The following NFKBIB variants were observed in gnomAD, a reference collection of about 807,000 sequenced individuals.
NFKBIB encodes the protein NF-kappa-B inhibitor beta.
Under a neutral mutation model 32.1 loss-of-function variants are expected in NFKBIB, and 16 were observed. The ratio of observed to expected loss-of-function variants is 0.50; its 90% CI spans 0.34 to 0.76. The LOEUF (loss-of-function observed/expected upper bound fraction) is 0.76. NFKBIB is among the 30% of genes least tolerant of loss of function. NFKBIB has a pLI of 0.01. For missense variants in NFKBIB, 437 were observed against 514.9 expected, an observed-to-expected ratio of 0.85 and a Z score of 1.46; for synonymous variants, 222 against 219.5, an observed-to-expected ratio of 1.01 and a Z score of -0.10.
At chr19:38,903,133 G>A (rs531855649) in intron 1 of NFKBIB, among the ~76,000 whole-genome samples, 2 of 151,974 alleles carry the variant, frequency 1.3e-5, no homozygotes, top group Non-Finnish European at 2.9e-5. Flanking sequence ...GAAACCATAT[G>A]ACCTACAAAG....
chr19:38,905,633 A>G lies in NFKBIB; in HGVS notation c.619+98A>G. On this transcript the variant is annotated intron_variant, in intron 3 of 5. Transcript: ENST00000313582. The surrounding 1 kb of genome is among the most constrained non-coding windows in gnomAD (Gnocchi z 5.5). ...CTGATTTGAGACTGAGCTCCTTGGG[A>G]AATCATGCCTAGGCTTCAGGAGCCC... 2.1e-6 allele frequency: 2 copies of G among 970,792 alleles called. No individual in the cohort carries two copies. Among genetic ancestry groups the G allele is most frequent in the Non-Finnish European group, 3.1e-6 (2 of 654,812 alleles). 60.1% of individuals were successfully genotyped at this position (970,792 alleles called of 1,614,324 possible).
intron 1 of NFKBIB, among the ~76,000 whole-genome samples, chr19:38,903,353 A>G (rs895456651): frequency 2.0e-5 from 3 of 151,934 alleles, no homozygotes; most frequent in Non-Finnish European, 1.5e-5. Context: ...GCACGATCTC[A>G]GCTCACTGCA....
intron 3 of NFKBIB, among the ~76,000 whole-genome samples, chr19:38,906,466 G>GTTTT (rs59286558): frequency 4.0e-5 from 3 of 75,334 alleles, no homozygotes; most frequent in Non-Finnish European, 7.2e-5. Flanking sequence ...TTAATTTAAG[G>GTTTT]TTTTTTTTTT....
rs1367102007 is a variant in NFKBIB at position 38,900,132 on chromosome 19, C to T, written c.100C>T (p.Pro34Ser). 1 of 1,592,504 alleles carries T rather than the reference C, an allele frequency of 6.3e-7. No individual in the cohort carries two copies. Among genetic ancestry groups the T allele is most frequent in the African/African-American group, 1.3e-5 (1 of 74,306 alleles). The change falls in exon 1 of 6, where the codon CCT becomes TCT. Residue 34 changes from proline (P) to serine (S), a missense_variant. Transcript: ENST00000313582. ...TCCGGACGCAGCGGCCCCCGGAGGA[C>T]CTGGGTTGGGCGCGGAGTTGGGCCC... Reference protein sequence around the residue: ...LGPDAAAPGGPGLGAELGPGL... With the variant: ...LGPDAAAPGGSGLGAELGPGL...
intron 1 of NFKBIB, among the ~76,000 whole-genome samples, chr19:38,901,958 T>C (rs549152742): frequency 6.6e-6 from 1 of 152,268 alleles, no homozygotes; most frequent in South Asian, 2.1e-4. Flanking sequence ...TTATCCCATG[T>C]CTATTATATA....
chr19:38,908,757 C>T lies in NFKBIB; in HGVS notation c.996C>T (p.His332=), dbSNP rs1393960282. The T allele has an allele frequency of 9.3e-6, 15 of 1,613,720 alleles. No homozygotes were observed. The highest frequency in any genetic ancestry group is 1.7e-5 in the Admixed American group (1 of 59,930). The change falls in exon 6 of 6, where the codon CAC becomes CAT. Residue 332 remains histidine (H), a synonymous_variant. Transcript: ENST00000313582. ...ATGAATACGACGACATTGTGGTTCA[C>T]AGCAGCCGCAGCCAAACCCGGCTGC... ...EGDEYDDIVV[H]SSRSQTRLPP... is the part of the protein sequence containing the mutation.
intron 1 of NFKBIB, among the ~76,000 whole-genome samples, chr19:38,902,085 C>CTTTTCTTTTT (rs1555739746): frequency 1.1e-5 from 1 of 92,368 alleles, no homozygotes; most frequent in African/African-American, 3.9e-5. Context: ...CATTTTATTT[C>CTTTTCTTTTT]TTTTTTTTTT....
intron 1 of NFKBIB, among the ~76,000 whole-genome samples, chr19:38,901,373 A>AT (rs1311467597): frequency 4.0e-5 from 6 of 151,324 alleles, no homozygotes; most frequent in Non-Finnish European, 7.4e-5. Context: ...ATGGCTTACT[A>AT]TAGCCACAAC....
At position 38,905,360 on chromosome 19, in the gene NFKBIB, G is replaced by T; in HGVS notation, c.444G>T (p.Gln148His). ...ACGCCTGTGCCCGTGCCCTGCTTCA[G>T]CCCCGCCCCCGGCGCCCCAGGGAAG... is the stretch of plus-strand genomic sequence containing the variant. Reference protein sequence around the residue: ...GAHACARALLQPRPRRPREAP... With the variant: ...GAHACARALLHPRPRRPREAP... Residue 148 changes from glutamine (Q) to histidine (H), a missense_variant, in exon 3 of 6, where the codon CAG becomes CAT. By Grantham distance (24) the Gln-to-His change is conservative (BLOSUM62 0). Transcript: ENST00000313582. This position sits in a 1 kb window ranked among gnomAD's most constrained non-coding sequence, Gnocchi z 5.5. 6.2e-7 allele frequency: 1 copy of T among 1,612,242 alleles called. No individual in the cohort carries two copies. Among genetic ancestry groups the T allele is most frequent in the Admixed American group, 1.7e-5 (1 of 59,956 alleles).
rs764428689 is a variant in NFKBIB at position 38,907,439 on chromosome 19, A to G, written c.749A>G (p.Glu250Gly). The stretch of plus-strand genomic sequence containing the variant: ...CGGAGCCCCCTTCATTTGGCAGTGG[A>G]GGCCCAGGCAGCCGATGTGCTGGAG... ...CGRSPLHLAV[E>G]AQAADVLELL... The change falls in exon 5 of 6, where the codon GAG (glutamate) becomes GGG (glycine). Residue 250 changes from glutamate to glycine, a missense_variant. By Grantham distance (98) the Glu-to-Gly change is moderately conservative. Coordinates refer to ENST00000313582, the MANE Select transcript of NFKBIB (RefSeq NM_002503.5). 8 of 1,602,030 alleles carry G rather than the reference A, an allele frequency of 5.0e-6. No individual in the cohort carries two copies. The highest frequency in any genetic ancestry group is 6.8e-6 in the Non-Finnish European group (8 of 1,171,860).
chr19:38,907,691 C>A (rs911323223), intron 5 of NFKBIB, 32 bp downstream of exon 5: 3 of 1,569,488 alleles, frequency 1.9e-6, no homozygotes, highest in Non-Finnish European at 8.7e-7. Flanking sequence ...GGCAGCCCAG[C>A]TGGGGGGTCA....
intron 1 of NFKBIB, among the ~76,000 whole-genome samples, chr19:38,900,971 A>T (rs1474041271): frequency 6.6e-6 from 1 of 151,070 alleles, no homozygotes; most frequent in Admixed American, 6.7e-5. Flanking sequence ...AGAAAGAAAC[A>T]TAGAAAGTAA....
chr19:38,907,657 G>C lies in NFKBIB; in HGVS notation c.967G>C (p.Gly323Arg). ...TAGCGACAGCGACAGCGGAGACGAG[G>C]GCGTGAGTCAGGAGGAGAGACAGGG... ...SSSDSDSGDE[G>R]DEYDDIVVHS... The change falls in exon 5 of 6, where the codon GGC becomes CGC. Residue 323 changes from glycine (G) to arginine (R), a missense_variant and splice_region_variant. Coordinates refer to ENST00000313582, the MANE Select transcript of NFKBIB (RefSeq NM_002503.5). 1.2e-6 allele frequency: 2 copies of C among 1,601,350 alleles called. No individual in the cohort carries two copies. The highest frequency in any genetic ancestry group is 1.7e-6 in the Non-Finnish European group (2 of 1,174,280).
chr19:38,907,048 C>T (rs923780181), intron 3 of NFKBIB, among the ~76,000 whole-genome samples, 173 bp from the exon 4 acceptor site: 5 of 152,240 alleles, frequency 3.3e-5, no homozygotes, highest in Non-Finnish European at 7.3e-5. Flanking sequence ...AAGCTCAGGC[C>T]ATCTGAGATA....
At chr19:38,908,525 C>A (rs1179255254) in intron 5 of NFKBIB, 2 of 1,280,272 alleles carry the variant, frequency 1.6e-6, no homozygotes, top group Admixed American at 4.4e-5. Context: ...GGCAACAGAG[C>A]GAGACTCCAT....
intron 1 of NFKBIB, among the ~76,000 whole-genome samples, chr19:38,903,928 G>A (rs1329302785): frequency 6.6e-6 from 1 of 151,992 alleles, no homozygotes; most frequent in Admixed American, 6.6e-5. Flanking sequence ...AAATTAGCCA[G>A]GTGTGGTGGC....
At position 38,907,583 on chromosome 19, in the gene NFKBIB, C is replaced by G. The variant is rs201461162; in HGVS notation, c.893C>G (p.Ala298Gly). ...GCCCGCCTCCTCCGTGCACACGGAG[C>G]CCCTGAGCCCGAGGGCGAGGACGAG... ...ILARLLRAHG[A>G]PEPEGEDEKS... Residue 298 changes from alanine (A) to glycine (G), a missense_variant, in exon 5 of 6, where the codon GCC (alanine) becomes GGC (glycine). Transcript: ENST00000313582. The G allele has an allele frequency of 1.9e-6, 3 of 1,612,284 alleles. No individual in the cohort carries two copies. Among genetic ancestry groups the G allele is most frequent in the Non-Finnish European group, 2.5e-6 (3 of 1,179,626 alleles).
chr19:38,900,015 C>G lies in NFKBIB; in HGVS notation c.-18C>G. ...TACAGGCGGGCGACTGCGGGGGGCCCCTGAGGCGGCGGGGGCCATGGCTGG... is the reference window on the plus strand; with the variant it reads ...TACAGGCGGGCGACTGCGGGGGGCCGCTGAGGCGGCGGGGGCCATGGCTGG... On this transcript the variant is annotated 5_prime_UTR_variant, in exon 1 of 6. Coordinates refer to ENST00000313582, the MANE Select transcript of NFKBIB (RefSeq NM_002503.5). 6.9e-7 allele frequency: 1 copy of G among 1,453,660 alleles called. No homozygotes were observed. Among genetic ancestry groups the G allele is most frequent in the South Asian group, 1.4e-5 (1 of 71,102 alleles). 90.0% of individuals were successfully genotyped at this position (1,453,660 alleles called of 1,614,324 possible).
intron 3 of NFKBIB, 110 bp from the exon 4 acceptor site, chr19:38,907,111 C>T (rs572979069): frequency 2.1e-6 from 2 of 969,528 alleles, no homozygotes; most frequent in Non-Finnish European, 3.1e-6. Context: ...CAGGAACCAG[C>T]CCCCAAACCT....
Sources: allele counts gnomAD v4.1 joint callset (sites outside exome capture counted in the v4.1 genomes callset), GRCh38; gene constraint gnomAD v4.1.1; non-coding constraint Gnocchi (gnomAD v3.1); transcripts MANE v1.5; gene names NCBI Gene and HGNC (gene_info 2026-07-23, HGNC 2026-07-21).